Variants in CEP112 observed in about 807,000 individuals in gnomAD.
CEP112 encodes centrosomal protein of 112 kDa.
Under a neutral mutation model 153.0 loss-of-function variants are expected in CEP112, and 127 were observed. The observed-to-expected ratio is 0.83, with a 90% CI of 0.72 to 0.96. The LOEUF is 0.96. CEP112 is among the 40% of genes least tolerant of loss of function. The probability of loss-of-function intolerance (pLI) is 0.00; values close to 1 mark genes in which losing one functional copy is unlikely to be tolerated. For synonymous variants in CEP112, 358 were observed against 374.4 expected (o/e 0.96, Z 0.51); for missense variants, 1,089 against 1,101.2 (o/e 0.99, Z 0.16).
At chr17:66,131,463 CG>C (rs2070158813) in intron 5 of CEP112, among the ~76,000 whole-genome samples, 1 of 152,030 alleles carries the variant, frequency 6.6e-6, no homozygotes, top group African/African-American at 2.4e-5. Context: ...ATGTGTTGGC[CG>C]GGGGCAGTGG....
chr17:66,019,463 T>G (rs1297103533), intron 16 of CEP112, among the ~76,000 whole-genome samples: 2 of 152,100 alleles, frequency 1.3e-5, no homozygotes, highest in Non-Finnish European at 2.9e-5. Context: ...AGGCTTGAGA[T>G]CACAGCAGGT....
intron 21 of CEP112, among the ~76,000 whole-genome samples, chr17:65,850,175 A>G (rs1160361332): frequency 6.6e-6 from 1 of 151,634 alleles, no homozygotes; most frequent in Admixed American, 6.6e-5. Flanking sequence ...AAAAAAAAAA[A>G]AAGAATATTT....
In CEP112 at chr17:65,649,580, G is replaced by A. The variant is rs144997540; in HGVS notation, c.2698-8515C>T. 4.6e-3 allele frequency among the ~76,000 whole-genome samples: 692 copies of A among 151,940 alleles called. 7 individuals are homozygous for A. The highest frequency in any genetic ancestry group is 0.016 in the African/African-American group (658 of 41,418). The stretch of plus-strand genomic sequence containing the variant: ...AAAAATAAAAAAAAATTAGCTGGGC[G>A]TGGTGGCATGCATCTGCGGTCCCAG... On this transcript the variant is annotated intron_variant, in intron 24 of 26. Transcript: ENST00000535342.
intron 16 of CEP112, among the ~76,000 whole-genome samples, chr17:66,019,724 G>A (rs1463533376): frequency 2.6e-5 from 4 of 152,192 alleles, no homozygotes; most frequent in African/African-American, 7.2e-5. Context: ...AATTGATACC[G>A]CATGGAAAGG....
At chr17:65,645,234 T>G (rs999191573) in intron 24 of CEP112, among the ~76,000 whole-genome samples, 7 of 152,042 alleles carry the variant, frequency 4.6e-5, no homozygotes, top group African/African-American at 1.4e-4. Flanking sequence ...TTACTTTTAT[T>G]TTCATATCAT....
chr17:66,077,667 G>A (rs982704072), intron 8 of CEP112, among the ~76,000 whole-genome samples: 1 of 152,206 alleles, frequency 6.6e-6, no homozygotes, highest in Admixed American at 6.5e-5. Context: ...AACTTCCCTG[G>A]CCTTTCTAGA....
At chr17:65,878,391 C>A (rs1206586468) in intron 20 of CEP112, among the ~76,000 whole-genome samples, 2 of 152,132 alleles carry the variant, frequency 1.3e-5, no homozygotes, top group African/African-American at 4.8e-5. Context: ...CAAATATACA[C>A]ATTTTTTAAA....
intron 23 of CEP112, among the ~76,000 whole-genome samples, chr17:65,712,718 T>C (rs1277137777): frequency 6.6e-6 from 1 of 152,172 alleles, no homozygotes; most frequent in Non-Finnish European, 1.5e-5. Context: ...AAAATAGTAC[T>C]AGAAAGTAAG....
chr17:65,783,240 C>G (rs1438964442), intron 21 of CEP112, among the ~76,000 whole-genome samples: 1 of 152,058 alleles, frequency 6.6e-6, no homozygotes, highest in Non-Finnish European at 1.5e-5. Context: ...CTGCTACATA[C>G]CCAGTAGAAT....
chr17:66,106,287 C>T (rs1050806132), intron 6 of CEP112, among the ~76,000 whole-genome samples: 1 of 151,386 alleles, frequency 6.6e-6, no homozygotes, highest in African/African-American at 2.4e-5. Context: ...ATTAGTAGAA[C>T]AGAAATAATA....
intron 24 of CEP112, among the ~76,000 whole-genome samples, chr17:65,663,625 C>G (rs573207012): frequency 4.2e-4 from 64 of 152,170 alleles, no homozygotes; most frequent in Non-Finnish European, 7.3e-4. Flanking sequence ...CAACCCAGCA[C>G]AGAACTAGAC....
intron 24 of CEP112, among the ~76,000 whole-genome samples, chr17:65,676,413 G>T (rs8074473): frequency 0.023 from 3,482 of 151,344 alleles, 114 homozygotes; most frequent in African/African-American, 0.08. Flanking sequence ...CCCAGAAGAT[G>T]TTAAAGATAT....
At chr17:65,767,343 A>G (rs1448402979) in intron 21 of CEP112, among the ~76,000 whole-genome samples, 2 of 152,130 alleles carry the variant, frequency 1.3e-5, no homozygotes, top group African/African-American at 4.8e-5. Flanking sequence ...ACAAATGATA[A>G]TGAAAACACA....
At chr17:66,083,855 G>C in intron 8 of CEP112, among the ~76,000 whole-genome samples, 1 of 152,028 alleles carries the variant, frequency 6.6e-6, no homozygotes, top group African/African-American at 2.4e-5. Context: ...GAGACTCCAT[G>C]TCCAAAGACA....
At chr17:66,164,918 GTGTA>G (rs371452127) in intron 4 of CEP112, among the ~76,000 whole-genome samples, 1,615 of 125,862 alleles carry the variant, frequency 0.013, 18 homozygotes, top group African/African-American at 0.034. Flanking sequence ...GTGTGTGTGT[GTGTA>G]TATTTATTTA....
At chr17:65,803,176 G>A (rs904280781) in intron 21 of CEP112, among the ~76,000 whole-genome samples, 8 of 152,326 alleles carry the variant, frequency 5.3e-5, no homozygotes, top group South Asian at 4.1e-4. Flanking sequence ...TACCAGGAGC[G>A]TAAGTGAAGA....
At chr17:65,880,446 T>TG (rs796713221) in intron 20 of CEP112, among the ~76,000 whole-genome samples, 152 of 151,844 alleles carry the variant, frequency 1.0e-3, no homozygotes, top group African/African-American at 2.2e-3. Flanking sequence ...ATTTAAAAAA[T>TG]GGGGGGGGCT....
intron 21 of CEP112, among the ~76,000 whole-genome samples, chr17:65,760,933 A>G (rs1263747290): frequency 6.6e-6 from 1 of 152,060 alleles, no homozygotes; most frequent in Admixed American, 6.6e-5. Flanking sequence ...TTGCCTTAAT[A>G]TATATATCCA....
intron 16 of CEP112, among the ~76,000 whole-genome samples, chr17:66,012,004 G>T (rs749328285): frequency 6.6e-6 from 1 of 152,116 alleles, no homozygotes; most frequent in African/African-American, 2.4e-5. Flanking sequence ...GATATTTGTT[G>T]ATTTAAAGGC....
Sources: gnomAD v4.1 joint callset for allele counts (sites outside exome capture counted in the v4.1 genomes callset) on GRCh38, gnomAD v4.1.1 for gene constraint, MANE v1.5 for transcripts, NCBI Gene and HGNC (gene_info 2026-07-23, HGNC 2026-07-21) for gene names.